NR5A2: variants seen among roughly 807,000 people sequenced by gnomAD.
NR5A2 encodes nuclear receptor subfamily 5 group A member 2, also known as CYP7A promoter-binding factor.
In NR5A2, 26 loss-of-function variants were observed where a neutral mutation model predicts 62.7. The ratio of observed to expected loss-of-function variants is 0.41; its 90% confidence interval spans 0.30 to 0.58. The LOEUF (loss-of-function observed/expected upper bound fraction) is 0.58. NR5A2 is among the 20% of genes least tolerant of loss of function. The probability of loss-of-function intolerance (pLI) is 0.22; values close to 1 mark genes in which losing one functional copy is unlikely to be tolerated. For missense variants in NR5A2, 541 were observed against 669.1 expected (o/e 0.81, Z 2.11); for synonymous variants, 246 against 241.7 (o/e 1.02, Z -0.16).
intron 7 of NR5A2, among the ~76,000 whole-genome samples, chr1:200,142,169 T>A (rs1667468942): frequency 6.7e-6 from 1 of 150,208 alleles, no homozygotes; most frequent in Non-Finnish European, 1.5e-5. Flanking sequence ...TGAATAATTG[T>A]TTTTTGTTTT....
At position 200,113,993 on chromosome 1, in the gene NR5A2, G is replaced by A. The variant is rs188362970; in HGVS notation, c.1230+2672G>A. On this transcript the variant is annotated intron_variant, in intron 6 of 7. Coordinates refer to ENST00000367362, the MANE Select transcript of NR5A2 (RefSeq NM_205860.3). The stretch of plus-strand genomic sequence containing the variant: ...GTCAGGGGTTCGAGACCAGCCTGGC[G>A]AACATGGTGAAGCCCCATCTCCACT... Among the ~76,000 whole-genome samples, 998 of 151,964 alleles carry A rather than the reference G, an allele frequency of 6.6e-3. 4 individuals are homozygous for A. Among genetic ancestry groups the A allele is most frequent in the Non-Finnish European group, 9.2e-3 (627 of 67,944 alleles).
chr1:200,162,215 T>A (rs1653675605), intron 7 of NR5A2, among the ~76,000 whole-genome samples: 1 of 152,198 alleles, frequency 6.6e-6, no homozygotes, highest in Non-Finnish European at 1.5e-5. Context: ...GACAGTGAAA[T>A]TACCATGTAA....
intron 5 of NR5A2, among the ~76,000 whole-genome samples, chr1:200,103,379 C>T (rs1665487972): frequency 6.6e-6 from 1 of 152,090 alleles, no homozygotes; most frequent in African/African-American, 2.4e-5. Flanking sequence ...CTTGGCCTCC[C>T]AAAGTGCTGT....
At chr1:200,075,575 CAG>C (rs1663985938) in intron 5 of NR5A2, among the ~76,000 whole-genome samples, 2 of 152,250 alleles carry the variant, frequency 1.3e-5, no homozygotes, top group Admixed American at 6.5e-5. Flanking sequence ...AGGTGTAAAA[CAG>C]AGTAGTAATC....
chr1:200,163,773 C>T (rs116743280), intron 7 of NR5A2, among the ~76,000 whole-genome samples: 1,700 of 152,230 alleles, frequency 0.011, 37 homozygotes, highest in African/African-American at 0.039. Context: ...AGCCACTGCA[C>T]CCAGCTTGGC....
At chr1:200,173,447 C>T (rs543428434) in intron 7 of NR5A2, among the ~76,000 whole-genome samples, 1 of 152,334 alleles carries the variant, frequency 6.6e-6, no homozygotes, top group South Asian at 2.1e-4. Flanking sequence ...ATAGGCTAGA[C>T]AAGTCAAAGA....
At position 200,174,242 on chromosome 1, in the gene NR5A2, CAA is replaced by C; in HGVS notation, c.*36_*37del. ...ACCCCTAGGAGCTCTGCTTTCAAAA[CAA>C]AAAGAGATTGGGGGAGTGGGGAGGG... On this transcript the variant is annotated 3_prime_UTR_variant, in exon 8 of 8. Transcript: ENST00000367362. 1 of 1,458,406 alleles carries C rather than the reference CAA, an allele frequency of 6.9e-7. No individual in the cohort carries two copies. Among genetic ancestry groups the C allele is most frequent in the Non-Finnish European group, 9.1e-7 (1 of 1,100,254 alleles). The allele number at this position is 1,458,406 out of a possible 1,614,324, so 90.3% of individuals were successfully genotyped here. A position where few individuals can be genotyped will look rare whatever the true frequency, so the allele number is the denominator to read the frequency against.
At chr1:200,167,824 C>A (rs1245506975) in intron 7 of NR5A2, among the ~76,000 whole-genome samples, 2 of 152,200 alleles carry the variant, frequency 1.3e-5, no homozygotes, top group Non-Finnish European at 2.9e-5. Context: ...GATGTGCGTT[C>A]TCTTCCACGC....
At chr1:200,153,023 G>A (rs910708227) in intron 7 of NR5A2, among the ~76,000 whole-genome samples, 1 of 152,204 alleles carries the variant, frequency 6.6e-6, no homozygotes, top group Non-Finnish European at 1.5e-5. Flanking sequence ...ATTTGCCAGT[G>A]TCCCTGACAA....
chr1:200,043,800 T>A lies in NR5A2; in HGVS notation c.229T>A (p.Ser77Thr), dbSNP rs767509468. Residue 77 changes from serine (S) to threonine (T), a missense_variant, in exon 3 of 8, where the codon TCC becomes ACC. Physicochemically the swap from Ser to Thr is moderately conservative, Grantham distance 58. Transcript: ENST00000367362. Reference sequence around the variant, plus strand: ...GTCTCAATTTAAAATGGTGAATTACTCCTATGATGAAGATCTGGAAGAGCT... The same window carrying A: ...GTCTCAATTTAAAATGGTGAATTACACCTATGATGAAGATCTGGAAGAGCT... ...QVSQFKMVNYSYDEDLEELCP... is the reference protein window; with the variant it reads ...QVSQFKMVNYTYDEDLEELCP... 22 of 1,612,782 alleles carry A rather than the reference T, an allele frequency of 1.4e-5. No individual in the cohort carries two copies. Among genetic ancestry groups the A allele is most frequent in the Non-Finnish European group, 1.9e-5 (22 of 1,179,048 alleles).
At chr1:200,075,165 G>A (rs1435654670) in intron 5 of NR5A2, among the ~76,000 whole-genome samples, 1 of 152,158 alleles carries the variant, frequency 6.6e-6, no homozygotes, top group Non-Finnish European at 1.5e-5. Context: ...GATGCCAAAT[G>A]AAGTAAACAG....
intron 1 of NR5A2, among the ~76,000 whole-genome samples, chr1:200,031,838 C>T (rs1232185779): frequency 1.3e-5 from 2 of 152,120 alleles, no homozygotes; most frequent in Non-Finnish European, 2.9e-5. Context: ...CCTCAGCCTC[C>T]CAAAGTGCTG....
At chr1:200,046,726 T>C (rs1662383449) in intron 4 of NR5A2, among the ~76,000 whole-genome samples, 1 of 152,194 alleles carries the variant, frequency 6.6e-6, no homozygotes, top group African/African-American at 2.4e-5. Context: ...ATTTCCCAAA[T>C]AGCAAAATAT....
chr1:200,145,717 C>G (rs993836597), intron 7 of NR5A2, among the ~76,000 whole-genome samples: 1 of 152,062 alleles, frequency 6.6e-6, no homozygotes, highest in Non-Finnish European at 1.5e-5. Flanking sequence ...AGCCTTGAAC[C>G]CCTGAGCTCA....
chr1:200,147,347 A>G lies in NR5A2; in HGVS notation c.1378+26392A>G, dbSNP rs1160336640. Among the ~76,000 whole-genome samples, 2 of 152,070 alleles carry G rather than the reference A, an allele frequency of 1.3e-5. No homozygotes were observed. Among genetic ancestry groups the G allele is most frequent in the East Asian group, 1.9e-4 (1 of 5,180 alleles). Reference sequence around the variant, plus strand: ...CCTCATCCAGCAAAGCTCGGCCTACATGGAGGTTTGCTGACTCCCCCAGGC... The same window carrying G: ...CCTCATCCAGCAAAGCTCGGCCTACGTGGAGGTTTGCTGACTCCCCCAGGC... On this transcript the variant is annotated intron_variant, in intron 7 of 7. Transcript: ENST00000367362. This position sits in a 1 kb window ranked among gnomAD's most constrained non-coding sequence, Gnocchi z 4.9.
rs141983892 is a variant in NR5A2 at position 200,027,768 on chromosome 1, C to T, written c.-80C>T. ...GTCTGATGTGTCCTTCCCAAGGCCA[C>T]GAAATTTGACAAGCTGCACTTTTCT... On this transcript the variant is annotated 5_prime_UTR_variant, in exon 1 of 8. The change creates a new upstream start codon in the 5' untranslated region. Coordinates refer to ENST00000367362, the MANE Select transcript of NR5A2 (RefSeq NM_205860.3). 38 of 1,055,022 alleles carry T rather than the reference C, an allele frequency of 3.6e-5. No individual in the cohort carries two copies. The highest frequency in any genetic ancestry group is 4.1e-5 in the Non-Finnish European group (29 of 707,920). The allele number at this position is 1,055,022 out of a possible 1,614,324, so 65.4% of individuals were successfully genotyped here. A position where few individuals can be genotyped will look rare whatever the true frequency, so the allele number is the denominator to read the frequency against.
chr1:200,094,873 G>GA (rs1239420822), intron 5 of NR5A2, among the ~76,000 whole-genome samples: 1 of 151,930 alleles, frequency 6.6e-6, no homozygotes, highest in Admixed American at 6.6e-5. Flanking sequence ...TTCTTCAGAT[G>GA]AAAAAATAGC....
chr1:200,142,095 CT>C (rs1229955424), intron 7 of NR5A2, among the ~76,000 whole-genome samples: 4 of 151,286 alleles, frequency 2.6e-5, no homozygotes, highest in African/African-American at 9.7e-5. Context: ...CACTGTGCTG[CT>C]TTTTGCATAA....
chr1:200,061,182 G>A (rs1413730202), intron 5 of NR5A2, among the ~76,000 whole-genome samples: 1 of 149,698 alleles, frequency 6.7e-6, no homozygotes, highest in African/African-American at 2.5e-5. Flanking sequence ...AATGCTGCCT[G>A]ATCATTTCTC....
Sources: allele counts gnomAD v4.1 joint callset (sites outside exome capture counted in the v4.1 genomes callset), GRCh38; gene constraint gnomAD v4.1.1; non-coding constraint Gnocchi (gnomAD v3.1); transcripts MANE v1.5; gene names NCBI Gene and HGNC (gene_info 2026-07-23, HGNC 2026-07-21).